Variants in GHR observed in about 807,000 individuals in gnomAD.
GHR encodes the protein growth hormone receptor.
Under a neutral mutation model 67.1 loss-of-function variants are expected in GHR, and 35 were observed. That is an observed-to-expected ratio of 0.52 (90% CI 0.40 to 0.69). The LOEUF (loss-of-function observed/expected upper bound fraction) is 0.69. Ranked by LOEUF, GHR falls within the 30% of genes least tolerant of loss-of-function variation. The probability of loss-of-function intolerance (pLI) is 0.00; values close to 1 mark genes in which losing one functional copy is unlikely to be tolerated. For missense variants in GHR, 792 were observed against 764.6 expected (o/e 1.04, Z -0.42); for synonymous variants, 272 against 269.1 (o/e 1.01, Z -0.10).
At chr5:42,692,201 A>AG (rs1488709052) in intron 4 of GHR, among the ~76,000 whole-genome samples, 3 of 151,994 alleles carry the variant, frequency 2.0e-5, no homozygotes, top group Non-Finnish European at 4.4e-5. Flanking sequence ...TGTCATGAAA[A>AG]CAGCTGCCCT....
chr5:42,594,046 A>G (rs987821785), intron 2 of GHR, among the ~76,000 whole-genome samples: 4 of 152,168 alleles, frequency 2.6e-5, no homozygotes, highest in African/African-American at 9.7e-5. Flanking sequence ...AATCCTTGCC[A>G]TTGGAGAATT....
At chr5:42,471,521 A>G (rs1745010493) in intron 1 of GHR, among the ~76,000 whole-genome samples, 1 of 152,218 alleles carries the variant, frequency 6.6e-6, no homozygotes, top group Non-Finnish European at 1.5e-5. Context: ...GTGGATAGGT[A>G]GCATAGCCTA....
At chr5:42,529,181 T>G (rs1231473862) in intron 1 of GHR, among the ~76,000 whole-genome samples, 1 of 151,988 alleles carries the variant, frequency 6.6e-6, no homozygotes, top group East Asian at 1.9e-4. Flanking sequence ...CCAGCTAATT[T>G]TTTGTATTTT....
chr5:42,562,644 C>CTTT lies in GHR; in HGVS notation c.-11-3198_-11-3196dup, dbSNP rs1212633265. ...GCTTGTAAAGGAAGTGTTATAGTTC[C>CTTT]TTTTTTTTTTTTTTTTTTTTTTTTG... is the stretch of plus-strand genomic sequence containing the variant. On this transcript the variant is annotated intron_variant, in intron 1 of 9. Transcript: ENST00000230882. Among the ~76,000 whole-genome samples the CTTT allele has an allele frequency of 1.8e-3, 142 of 77,726 alleles. 1 individual carries two copies. In the East Asian group the frequency reaches 0.021, roughly 11 times the overall value. The allele number at this position is 77,726 out of a possible 152,430, so 51.0% of individuals were successfully genotyped here.
chr5:42,529,647 C>T (rs903940062), intron 1 of GHR, among the ~76,000 whole-genome samples: 2 of 152,108 alleles, frequency 1.3e-5, no homozygotes, highest in East Asian at 1.9e-4. Context: ...ATAACTGAAG[C>T]GCCCTATCAC....
At chr5:42,635,361 A>G (rs1326428739) in intron 3 of GHR, among the ~76,000 whole-genome samples, 1 of 152,232 alleles carries the variant, frequency 6.6e-6, no homozygotes, top group Non-Finnish European at 1.5e-5. Context: ...AGGTACAGAG[A>G]AAACAGCTTA....
At chr5:42,576,798 G>A (rs984398746) in intron 2 of GHR, among the ~76,000 whole-genome samples, 1 of 152,180 alleles carries the variant, frequency 6.6e-6, no homozygotes, top group Non-Finnish European at 1.5e-5. Context: ...TCTAGTTCCT[G>A]TGCTTCTAAT....
intron 3 of GHR, among the ~76,000 whole-genome samples, chr5:42,638,022 C>A (rs1462294584): frequency 6.6e-6 from 1 of 152,188 alleles, no homozygotes; most frequent in African/African-American, 2.4e-5. Flanking sequence ...TCACTGCACT[C>A]TCCGCCTCCC....
intron 1 of GHR, among the ~76,000 whole-genome samples, chr5:42,443,954 T>TAGAG (rs1743693980): frequency 6.8e-6 from 1 of 146,118 alleles, no homozygotes; most frequent in African/African-American, 2.6e-5. Flanking sequence ...TAGATATAGA[T>TAGAG]ATAGATAGAT....
chr5:42,557,137 G>C (rs1749352582), intron 1 of GHR, among the ~76,000 whole-genome samples: 1 of 152,158 alleles, frequency 6.6e-6, no homozygotes, highest in Admixed American at 6.5e-5. Flanking sequence ...AGCCCCTAAA[G>C]TATTTCCTGC....
At chr5:42,560,388 T>C (rs1434139074) in intron 1 of GHR, among the ~76,000 whole-genome samples, 2 of 152,098 alleles carry the variant, frequency 1.3e-5, no homozygotes, top group Non-Finnish European at 2.9e-5. Flanking sequence ...GAGACGGGGT[T>C]TCACCATGTT....
chr5:42,552,975 T>C (rs1749115756), intron 1 of GHR, among the ~76,000 whole-genome samples: 1 of 152,202 alleles, frequency 6.6e-6, no homozygotes, highest in Non-Finnish European at 1.5e-5. Flanking sequence ...TAAAGTCCCT[T>C]ATGAATAAAA....
intron 1 of GHR, among the ~76,000 whole-genome samples, chr5:42,469,533 T>A (rs1744903475): frequency 6.6e-6 from 1 of 152,166 alleles, no homozygotes; most frequent in Admixed American, 6.5e-5. Context: ...CTGCCAGTCA[T>A]GTCCAAGCCC....
chr5:42,545,580 G>A (rs1169915438), intron 1 of GHR, among the ~76,000 whole-genome samples: 2 of 152,258 alleles, frequency 1.3e-5, no homozygotes, highest in African/African-American at 4.8e-5. Context: ...CAAGCATCAT[G>A]TACCCCTACT....
chr5:42,608,368 G>A (rs149716486), intron 2 of GHR, among the ~76,000 whole-genome samples: 17 of 151,904 alleles, frequency 1.1e-4, no homozygotes, highest in Admixed American at 9.2e-4. Context: ...AGCAGTGTTT[G>A]TTACATTTCA....
At chr5:42,582,117 G>A (rs1579990406) in intron 2 of GHR, among the ~76,000 whole-genome samples, 4 of 152,262 alleles carry the variant, frequency 2.6e-5, no homozygotes. Flanking sequence ...GGGCACTAAG[G>A]GGTGGTTCAG....
At chr5:42,669,971 T>G (rs1756191543) in intron 3 of GHR, among the ~76,000 whole-genome samples, 1 of 152,132 alleles carries the variant, frequency 6.6e-6, no homozygotes, top group African/African-American at 2.4e-5. Context: ...ATAGATTCAA[T>G]GCAATCCTAT....
At chr5:42,688,101 G>A (rs1757246183) in intron 3 of GHR, among the ~76,000 whole-genome samples, 1 of 152,140 alleles carries the variant, frequency 6.6e-6, no homozygotes, top group Non-Finnish European at 1.5e-5. Context: ...TGAGTTTACT[G>A]GCTGAATCTT....
intron 3 of GHR, among the ~76,000 whole-genome samples, chr5:42,658,323 T>C (rs1160342769): frequency 2.0e-5 from 3 of 152,218 alleles, no homozygotes; most frequent in East Asian, 3.8e-4. Context: ...CCAGCTTTGC[T>C]ACTTATTACC....
Sources: gnomAD v4.1 joint callset for allele counts (sites outside exome capture counted in the v4.1 genomes callset) on GRCh38, gnomAD v4.1.1 for gene constraint, MANE v1.5 for transcripts, NCBI Gene and HGNC (gene_info 2026-07-23, HGNC 2026-07-21) for gene names.